Variants in TTC29 observed in about 807,000 individuals in gnomAD.
The protein encoded by TTC29 is tetratricopeptide repeat protein 29.
In TTC29, 49 loss-of-function variants were observed where a neutral mutation model predicts 58.1. That is an observed-to-expected ratio of 0.84 (90% CI 0.67 to 1.07). TTC29 has a LOEUF of 1.07. Ranked by LOEUF, TTC29 falls within the 50% of genes least tolerant of loss-of-function variation. The pLI, the probability that TTC29 is intolerant of heterozygous loss-of-function variation, is 0.00. For synonymous variants in TTC29, 209 were observed against 196.8 expected (o/e 1.06, Z -0.52); for missense variants, 582 against 555.6 (o/e 1.05, Z -0.48).
At chr4:146,784,168 T>C (rs574542216) in intron 11 of TTC29, among the ~76,000 whole-genome samples, 1 of 151,948 alleles carries the variant, frequency 6.6e-6, no homozygotes, top group South Asian at 2.1e-4. Flanking sequence ...GATACTACAC[T>C]TACTGTATAA....
intron 7 of TTC29, among the ~76,000 whole-genome samples, chr4:146,868,264 C>G (rs1248371116): frequency 6.6e-6 from 1 of 151,910 alleles, no homozygotes; most frequent in Non-Finnish European, 1.5e-5. Context: ...GGAGATATAC[C>G]TAATGTTAAA....
chr4:146,860,420 T>A (rs1730151266), intron 8 of TTC29, among the ~76,000 whole-genome samples: 1 of 152,098 alleles, frequency 6.6e-6, no homozygotes, highest in Non-Finnish European at 1.5e-5. Context: ...AATAAAAATT[T>A]TTGGAATATT....
chr4:146,745,956 C>T (rs191900355), intron 11 of TTC29, among the ~76,000 whole-genome samples: 1 of 152,300 alleles, frequency 6.6e-6, no homozygotes, highest in East Asian at 1.9e-4. Flanking sequence ...CTGAAGAATG[C>T]CACAACCACA....
chr4:146,894,180 G>A (rs898479256), intron 6 of TTC29, among the ~76,000 whole-genome samples: 1 of 152,096 alleles, frequency 6.6e-6, no homozygotes, highest in Non-Finnish European at 1.5e-5. Context: ...CCATTACTGG[G>A]TATATACCCA....
chr4:146,855,107 G>A (rs1055227712), intron 8 of TTC29, among the ~76,000 whole-genome samples: 1 of 152,008 alleles, frequency 6.6e-6, no homozygotes, highest in African/African-American at 2.4e-5. Flanking sequence ...GACCAGCCTG[G>A]CCAATATGGT....
At chr4:146,863,974 C>G (rs897857434) in intron 8 of TTC29, among the ~76,000 whole-genome samples, 1 of 152,166 alleles carries the variant, frequency 6.6e-6, no homozygotes, top group Non-Finnish European at 1.5e-5. Flanking sequence ...CTAATCTTCT[C>G]CAGAAACACC....
intron 4 of TTC29, among the ~76,000 whole-genome samples, chr4:146,927,586 T>G (rs1465463088): frequency 6.6e-6 from 1 of 152,152 alleles, no homozygotes; most frequent in African/African-American, 2.4e-5. Context: ...ACAACATACG[T>G]ACATAGTATA....
intron 6 of TTC29, among the ~76,000 whole-genome samples, chr4:146,902,770 T>C (rs1733240780): frequency 6.6e-6 from 1 of 152,180 alleles, no homozygotes; most frequent in Admixed American, 6.6e-5. Context: ...TACAATCACA[T>C]GAACTGCAAC....
intron 11 of TTC29, among the ~76,000 whole-genome samples, chr4:146,797,157 G>A (rs1749887237): frequency 6.6e-6 from 1 of 152,158 alleles, no homozygotes; most frequent in Admixed American, 6.5e-5. Context: ...ACCCCAGGCT[G>A]GCAGTTGTCT....
intron 7 of TTC29, 94 bp downstream of exon 7, chr4:146,874,622 T>A: frequency 1.0e-6 from 1 of 968,912 alleles, no homozygotes; most frequent in Non-Finnish European, 1.5e-6. Context: ...TAGGAAATAA[T>A]CACCCTAACA....
intron 11 of TTC29, among the ~76,000 whole-genome samples, chr4:146,773,104 A>C (rs998560027): frequency 7.2e-5 from 11 of 152,080 alleles, no homozygotes; most frequent in Non-Finnish European, 1.6e-4. Flanking sequence ...TGTTTATCAC[A>C]TCAAGGAGCT....
chr4:146,792,889 C>T (rs996475685), intron 11 of TTC29, among the ~76,000 whole-genome samples: 3 of 152,084 alleles, frequency 2.0e-5, no homozygotes, highest in African/African-American at 7.2e-5. Flanking sequence ...TTGCAGCGCT[C>T]ATGGATGACT....
At chr4:146,858,073 G>A (rs956157715) in intron 8 of TTC29, among the ~76,000 whole-genome samples, 1 of 152,184 alleles carries the variant, frequency 6.6e-6, no homozygotes, top group Non-Finnish European at 1.5e-5. Flanking sequence ...TCCAGTTATA[G>A]TTACATCAAT....
chr4:146,911,322 A>G (rs1167995992), intron 4 of TTC29, among the ~76,000 whole-genome samples: 1 of 152,138 alleles, frequency 6.6e-6, no homozygotes, highest in Non-Finnish European at 1.5e-5. Flanking sequence ...TAGCAAGGAG[A>G]TGTATCCTAA....
chr4:146,780,061 T>G (rs1748468784), intron 11 of TTC29, among the ~76,000 whole-genome samples: 1 of 152,182 alleles, frequency 6.6e-6, no homozygotes, highest in African/African-American at 2.4e-5. Context: ...AGGAATGTCT[T>G]ATAATTTGAA....
At position 146,752,565 on chromosome 4, in the gene TTC29, T is replaced by C. The variant is rs1437117706; in HGVS notation, c.1331-45014A>G. 2.0e-5 allele frequency among the ~76,000 whole-genome samples: 3 copies of C among 151,812 alleles called. No homozygotes were observed. The East Asian group carries it at 5.8e-4, about 29-fold the overall frequency. On this transcript the variant is annotated intron_variant, in intron 11 of 12. Transcript: ENST00000325106. ...GGAAAAAACTACTTTAAAGTTCATATGGAACCAAAAAAGAGCCCACATTGC... is the reference window on the plus strand; with the variant it reads ...GGAAAAAACTACTTTAAAGTTCATACGGAACCAAAAAAGAGCCCACATTGC...
At chr4:146,902,519 C>G (rs1733221170) in intron 6 of TTC29, among the ~76,000 whole-genome samples, 1 of 152,220 alleles carries the variant, frequency 6.6e-6, no homozygotes, top group African/African-American at 2.4e-5. Flanking sequence ...GTCCCTCTTA[C>G]CATTTGCTCT....
chr4:146,813,002 T>C (rs958450257), intron 10 of TTC29: 1 of 152,236 alleles, frequency 6.6e-6, no homozygotes, highest in Admixed American at 6.5e-5. Context: ...CTTCGTTTAA[T>C]GTTATTAATA....
At chr4:146,844,663 G>A (rs954220935) in intron 8 of TTC29, among the ~76,000 whole-genome samples, 7 of 152,138 alleles carry the variant, frequency 4.6e-5, no homozygotes, top group Non-Finnish European at 1.0e-4. Context: ...TTAGAGGCAT[G>A]AACCACTGTG....
Sources: gnomAD v4.1 joint callset for allele counts (sites outside exome capture counted in the v4.1 genomes callset) on GRCh38, gnomAD v4.1.1 for gene constraint, MANE v1.5 for transcripts, NCBI Gene and HGNC (gene_info 2026-07-23, HGNC 2026-07-21) for gene names.